Variants in SLC35F1 observed in about 807,000 individuals in gnomAD.
The protein encoded by SLC35F1 is solute carrier family 35 member F1, also known as chromosome 6 open reading frame 169.
Under a neutral mutation model 48.7 loss-of-function variants are expected in SLC35F1, and 14 were observed. The ratio of observed to expected loss-of-function variants is 0.29; its 90% confidence interval spans 0.19 to 0.45. SLC35F1 has a LOEUF of 0.45. SLC35F1 is among the 20% of genes least tolerant of loss of function. The probability of loss-of-function intolerance (pLI) is 1.00; values close to 1 mark genes in which losing one functional copy is unlikely to be tolerated. For synonymous variants in SLC35F1, 190 were observed against 202.2 expected, an observed-to-expected ratio of 0.94 and a Z score of 0.51; for missense variants, 404 against 500.0, an observed-to-expected ratio of 0.81 and a Z score of 1.83.
At chr6:118,284,350 A>ATT (rs35154293) in intron 6 of SLC35F1, among the ~76,000 whole-genome samples, 122 of 150,850 alleles carry the variant, frequency 8.1e-4, no homozygotes, top group Non-Finnish European at 1.4e-3. Context: ...AAAGAGCATT[A>ATT]TTTTTTTTTT....
Position 118,154,487 on chromosome 6 carries a change from C to G in SLC35F1, c.216C>G (p.Leu72=). ...TGGCCCTAGGCCAGGTGTTATCCCTCCTTATTTGTGGAATTGGCTTGACTA... is the reference window on the plus strand; with the variant it reads ...TGGCCCTAGGCCAGGTGTTATCCCTGCTTATTTGTGGAATTGGCTTGACTA... The part of the protein sequence containing the change: ...ISVALGQVLS[L]LICGIGLTSK... Residue 72 remains leucine (L), a synonymous_variant, in exon 2 of 8, where the codon CTC becomes CTG. Coordinates refer to ENST00000360388, the MANE Select transcript of SLC35F1 (RefSeq NM_001029858.4). 1 of 1,613,958 alleles carries G rather than the reference C, an allele frequency of 6.2e-7. No homozygotes were observed. Among genetic ancestry groups the G allele is most frequent in the Non-Finnish European group, 8.5e-7 (1 of 1,179,904 alleles).
chr6:118,001,634 A>C (rs375509639), intron 1 of SLC35F1, among the ~76,000 whole-genome samples: 1 of 152,034 alleles, frequency 6.6e-6, no homozygotes, highest in Non-Finnish European at 1.5e-5. Context: ...TCTGCACAGC[A>C]AAAGAAACTA....
chr6:118,307,591 T>G (rs762632965), intron 7 of SLC35F1, among the ~76,000 whole-genome samples: 3 of 152,170 alleles, frequency 2.0e-5, no homozygotes, highest in African/African-American at 7.2e-5. Context: ...TTCAGTAAAC[T>G]CAGAAGCCGA....
chr6:118,182,564 A>AAGGAAGGAAGGAAGG (rs1562317879), intron 2 of SLC35F1, among the ~76,000 whole-genome samples: 2 of 60,590 alleles, frequency 3.3e-5, no homozygotes, highest in Admixed American at 2.0e-4. Flanking sequence ...AGGAAGGAAG[A>AAGGAAGGAAGGAAGG]AAAAAAGAAA....
intron 1 of SLC35F1, among the ~76,000 whole-genome samples, chr6:117,927,302 A>G (rs1776041313): frequency 6.6e-6 from 1 of 152,238 alleles, no homozygotes; most frequent in Admixed American, 6.5e-5. Flanking sequence ...TGAGATTCAC[A>G]TGAAAATCAC....
Position 117,976,307 on chromosome 6 carries a change from G to T in SLC35F1, c.173+68408G>T, listed in dbSNP as rs112374971. ...AAATCTCTCACCTCCAAGGTAAACCGGAGAAACCCTGGCTGAAAGAAAACT... is the reference window on the plus strand; with the variant it reads ...AAATCTCTCACCTCCAAGGTAAACCTGAGAAACCCTGGCTGAAAGAAAACT... On this transcript the variant is annotated intron_variant, in intron 1 of 7. Coordinates refer to ENST00000360388, the MANE Select transcript of SLC35F1 (RefSeq NM_001029858.4). Among the ~76,000 whole-genome samples, 945 of 152,234 alleles carry T rather than the reference G, an allele frequency of 6.2e-3. 9 individuals are homozygous for T. The highest frequency in any genetic ancestry group is 0.022 in the African/African-American group (894 of 41,542).
At position 118,279,124 on chromosome 6, in the gene SLC35F1, T is replaced by A. The variant is rs575213492; in HGVS notation, c.847+1578T>A. On this transcript the variant is annotated intron_variant, in intron 6 of 7. Coordinates refer to ENST00000360388, the MANE Select transcript of SLC35F1 (RefSeq NM_001029858.4). ...GGTGAATTTAGTTAACAATAATTTA[T>A]TGTGTATTTCAAAATAGCTAGAAGA... 4.6e-5 allele frequency among the ~76,000 whole-genome samples: 7 copies of A among 152,304 alleles called. No homozygotes were observed. In the South Asian group the frequency reaches 8.3e-4, roughly 18 times the overall value.
chr6:118,277,555 T>A lies in SLC35F1; in HGVS notation c.847+9T>A. The A allele has an allele frequency of 6.2e-7, 1 of 1,612,634 alleles. No homozygotes were observed. The highest frequency in any genetic ancestry group is 8.5e-7 in the Non-Finnish European group (1 of 1,178,918). The stretch of plus-strand genomic sequence containing the variant: ...CTGGGACTGGCAAATAGGTAAGGAG[T>A]TGGCTCACATACGATGCTCTTTTTA... On this transcript the variant is annotated intron_variant, in intron 6 of 7. Transcript: ENST00000360388.
chr6:118,099,116 A>G (rs1159937725), intron 1 of SLC35F1, among the ~76,000 whole-genome samples: 1 of 152,214 alleles, frequency 6.6e-6, no homozygotes, highest in East Asian at 1.9e-4. Context: ...GGGGCTGGAA[A>G]GAATTGTGAC....
chr6:117,951,264 A>G (rs1290676818), intron 1 of SLC35F1, among the ~76,000 whole-genome samples: 3 of 152,234 alleles, frequency 2.0e-5, no homozygotes, highest in African/African-American at 7.2e-5. Flanking sequence ...CTGTGCTTTT[A>G]CAGGAAGAAA....
intron 1 of SLC35F1, among the ~76,000 whole-genome samples, chr6:118,023,694 G>A (rs1777428089): frequency 1.3e-5 from 2 of 152,032 alleles, no homozygotes; most frequent in South Asian, 4.1e-4. Flanking sequence ...GTGACAGTTG[G>A]GTGAGTTCCC....
intron 2 of SLC35F1, among the ~76,000 whole-genome samples, chr6:118,230,702 G>A (rs1254236533): frequency 6.6e-6 from 1 of 152,208 alleles, no homozygotes; most frequent in Admixed American, 6.5e-5. Context: ...AAGATGATAA[G>A]GCTGGCGTGG....
chr6:117,929,040 C>T (rs369874149), intron 1 of SLC35F1, among the ~76,000 whole-genome samples: 53 of 152,182 alleles, frequency 3.5e-4, no homozygotes, highest in African/African-American at 9.9e-4. Context: ...CTGAAACTTA[C>T]GAGATCACCA....
intron 1 of SLC35F1, among the ~76,000 whole-genome samples, chr6:117,908,222 C>T (rs1230004609): frequency 6.6e-6 from 1 of 152,130 alleles, no homozygotes; most frequent in Admixed American, 6.5e-5. Flanking sequence ...ACTTCCCTTT[C>T]CCTCTCGCAC....
intron 1 of SLC35F1, among the ~76,000 whole-genome samples, chr6:117,909,405 G>A (rs1775736201): frequency 1.3e-5 from 2 of 151,408 alleles, no homozygotes; most frequent in South Asian, 4.2e-4. Context: ...GTAATATTTT[G>A]CTCAGTTTCT....
At chr6:118,077,573 G>A (rs998883636) in intron 1 of SLC35F1, among the ~76,000 whole-genome samples, 3 of 152,138 alleles carry the variant, frequency 2.0e-5, no homozygotes, top group African/African-American at 7.2e-5. Context: ...GGGGATTTTA[G>A]TTTACTCATA....
At chr6:118,212,804 G>A (rs1203408608) in intron 2 of SLC35F1, among the ~76,000 whole-genome samples, 1 of 143,144 alleles carries the variant, frequency 7.0e-6, no homozygotes, top group Non-Finnish European at 1.5e-5. Flanking sequence ...AGAAGGAAGG[G>A]CACTTATCCA....
intron 2 of SLC35F1, among the ~76,000 whole-genome samples, chr6:118,223,090 A>G (rs1379652407): frequency 1.3e-5 from 2 of 152,224 alleles, no homozygotes; most frequent in Non-Finnish European, 2.9e-5. Context: ...GAAATGCTGC[A>G]TTGCTCATAA....
chr6:117,966,395 A>G (rs1363659971), intron 1 of SLC35F1, among the ~76,000 whole-genome samples: 2 of 151,538 alleles, frequency 1.3e-5, no homozygotes, highest in Non-Finnish European at 2.9e-5. Context: ...ACTCGCCGCG[A>G]AGATCTGCAG....
Sources: allele counts gnomAD v4.1 joint callset (sites outside exome capture counted in the v4.1 genomes callset), GRCh38; gene constraint gnomAD v4.1.1; transcripts MANE v1.5; gene names NCBI Gene and HGNC (gene_info 2026-07-23, HGNC 2026-07-21).